The following OTOGL variants were observed in gnomAD, a reference collection of about 807,000 sequenced individuals.
OTOGL encodes the protein otogelin like.
A neutral mutation model predicts 318.5 loss-of-function variants in OTOGL; 285 were observed. The ratio of observed to expected loss-of-function variants is 0.89; its 90% CI spans 0.81 to 0.99. The LOEUF is 0.99. Ranked by LOEUF, OTOGL falls within the 50% of genes least tolerant of loss-of-function variation. The pLI, the probability that OTOGL is intolerant of heterozygous loss-of-function variation, is 0.00. For synonymous variants in OTOGL, 987 were observed against 936.5 expected, an observed-to-expected ratio of 1.05 and a Z score of -0.99; for missense variants, 2,899 against 2,845.6, an observed-to-expected ratio of 1.02 and a Z score of -0.43.
chr12:80,230,005 T>TA (rs1392953473), intron 8 of OTOGL, among the ~76,000 whole-genome samples: 3 of 151,834 alleles, frequency 2.0e-5, no homozygotes, highest in African/African-American at 7.3e-5. Context: ...TTTTTTTTTT[T>TA]ATGTTTTAAC....
intron 1 of OTOGL, among the ~76,000 whole-genome samples, chr12:80,145,155 G>C (rs1467328708): frequency 1.3e-5 from 2 of 151,058 alleles, no homozygotes; most frequent in Non-Finnish European, 2.9e-5. Context: ...GAATGGTATT[G>C]CCTAGGTTTT....
In OTOGL at chr12:80,340,943, T is replaced by TG. The variant is rs959542229; in HGVS notation, c.5051-1005_5051-1004insG. Among the ~76,000 whole-genome samples the TG allele has an allele frequency of 8.6e-5, 13 of 151,456 alleles. No homozygotes were observed. The East Asian group carries it at 1.7e-3, about 20-fold the overall frequency. On this transcript the variant is annotated intron_variant, in intron 43 of 58. Coordinates refer to ENST00000547103, the MANE Select transcript of OTOGL (RefSeq NM_001378609.3). ...ACAATGTAGTCCACTTAGGTTTTTT[T>TG]TTTTTTTTTTAATGTTTAATTGCAC...
At chr12:80,275,535 T>A (rs1181843972) in intron 24 of OTOGL, among the ~76,000 whole-genome samples, 1 of 151,958 alleles carries the variant, frequency 6.6e-6, no homozygotes, top group African/African-American at 2.4e-5. Context: ...AATAAAAGAT[T>A]TAGAATATTG....
At chr12:80,229,992 GT>G (rs397850076) in intron 8 of OTOGL, among the ~76,000 whole-genome samples, 3,378 of 142,760 alleles carry the variant, frequency 0.024, 116 homozygotes, top group African/African-American at 0.077. Context: ...TTGGTGGAAG[GT>G]TTTTTTTTTT....
intron 27 of OTOGL, among the ~76,000 whole-genome samples, chr12:80,300,963 G>C (rs1885721941): frequency 1.3e-5 from 2 of 152,172 alleles, no homozygotes; most frequent in South Asian, 2.1e-4. Flanking sequence ...AATATATACT[G>C]TTCTATACAA....
chr12:80,177,418 A>G (rs1043991193), intron 1 of OTOGL, among the ~76,000 whole-genome samples: 1 of 152,142 alleles, frequency 6.6e-6, no homozygotes, highest in Non-Finnish European at 1.5e-5. Context: ...AAACTAATAG[A>G]CCATATATGT....
chr12:80,315,306 A>G (rs913760803), intron 32 of OTOGL, among the ~76,000 whole-genome samples: 4 of 152,228 alleles, frequency 2.6e-5, no homozygotes, highest in Non-Finnish European at 5.9e-5. Context: ...TACCAGGATA[A>G]GAACTTATTG....
rs1878752931 is a variant in OTOGL at position 80,225,497 on chromosome 12, A to C, written c.489+3252A>C. ...TCACTTTCCCCTTGATTATAAAAGC[A>C]GTTCATTTCTTTTGTAGAAAATTTG... On this transcript the variant is annotated intron_variant, in intron 7 of 58. Coordinates refer to ENST00000547103, the MANE Select transcript of OTOGL (RefSeq NM_001378609.3). Among the ~76,000 whole-genome samples, 6 of 152,254 alleles carry C rather than the reference A, an allele frequency of 3.9e-5. No homozygotes were observed. The South Asian group carries it at 1.0e-3, about 26-fold the overall frequency.
chr12:80,290,572 C>G (rs1161772742), intron 26 of OTOGL, among the ~76,000 whole-genome samples: 1 of 152,050 alleles, frequency 6.6e-6, no homozygotes, highest in Non-Finnish European at 1.5e-5. Context: ...ATGACATGTT[C>G]CCATTGGATA....
Position 80,352,319 on chromosome 12 carries a change from A to C in OTOGL, c.5290A>C (p.Lys1764Gln). 1 of 1,608,952 alleles carries C rather than the reference A, an allele frequency of 6.2e-7. No homozygotes were observed. The highest frequency in any genetic ancestry group is 8.5e-7 in the Non-Finnish European group (1 of 1,178,592). The stretch of plus-strand genomic sequence containing the variant: ...GGTTTCACCGGAAGACTTTTGTGAA[A>C]AGATGTGGATCAATTATACCTATTT... ...DKVSPEDFCE[K>Q]MWINYTYFWN... is the part of the protein sequence containing the mutation. The change falls in exon 45 of 59, where the codon AAG becomes CAG. Residue 1764 changes from lysine (K) to glutamine (Q), a missense_variant. By Grantham distance (53) the Lys-to-Gln change is moderately conservative. Around this residue, in one of 3 missense-constraint regions of OTOGL, gnomAD observed 2,607 missense variants for 2,524.9 expected, o/e 1.03. Transcript: ENST00000547103.
intron 8 of OTOGL, 42 bp from the exon 9 acceptor site, chr12:80,232,850 C>T (rs1260989213): frequency 6.7e-7 from 1 of 1,488,168 alleles, no homozygotes; most frequent in South Asian, 1.2e-5. Context: ...GTAATTGAGA[C>T]TTTATCATCA....
chr12:80,196,993 C>T (rs1431970807), intron 1 of OTOGL, among the ~76,000 whole-genome samples: 4 of 152,148 alleles, frequency 2.6e-5, no homozygotes, highest in East Asian at 1.9e-4. Context: ...TGATAAGAAA[C>T]ATTTACAATC....
At chr12:80,377,056 T>C in intron 57 of OTOGL, 67 bp from the exon 58 acceptor site, 2 of 1,079,368 alleles carry the variant, frequency 1.9e-6, no homozygotes, top group South Asian at 1.6e-5. Flanking sequence ...AATATATTCA[T>C]ATATTTAATT....
At position 80,370,794 on chromosome 12, in the gene OTOGL, C is replaced by T. The variant is rs10862099; in HGVS notation, c.6735+105C>T. 0.19 allele frequency: 158,006 copies of T among 817,636 alleles called. 15,901 individuals carry two copies. Among genetic ancestry groups the T allele is most frequent in the Middle Eastern group, 0.24 (595 of 2,520 alleles). The allele number at this position is 817,636 out of a possible 1,614,324, so 50.6% of individuals were successfully genotyped here. A position where few individuals can be genotyped will look rare whatever the true frequency, so the allele number is the denominator to read the frequency against. On this transcript the variant is annotated intron_variant, in intron 56 of 58. Transcript: ENST00000547103. ...TTTCATTGTGGCTTATACATAATGG[C>T]GAATGTGTTATTTTCATGAATGAAT...
intron 16 of OTOGL, 100 bp downstream of exon 16, chr12:80,255,285 T>C: frequency 8.8e-7 from 1 of 1,130,716 alleles, no homozygotes; most frequent in Non-Finnish European, 1.1e-6. Flanking sequence ...ATATAGCTAT[T>C]TTCCTTAACA....
At position 80,219,913 on chromosome 12, in the gene OTOGL, G is replaced by C. The variant is rs377761767; in HGVS notation, c.334+1G>C. ...GCTCTTGGGACAAGATGCCAGATCA[G>C]TAAGTTTCAGGGATGCTTGTGAGAT... is the stretch of plus-strand genomic sequence containing the variant. On this transcript the variant is annotated splice_donor_variant, in intron 6 of 58. Coordinates refer to ENST00000547103, the MANE Select transcript of OTOGL (RefSeq NM_001378609.3). LOFTEE classifies it high-confidence loss of function. 3.2e-6 allele frequency: 5 copies of C among 1,546,244 alleles called. No individual in the cohort carries two copies. In the African/African-American group the frequency reaches 6.8e-5, roughly 21 times the overall value.
chr12:80,331,514 A>G (rs2137889659), intron 37 of OTOGL, among the ~76,000 whole-genome samples: 1 of 151,704 alleles, frequency 6.6e-6, no homozygotes, highest in Admixed American at 6.6e-5. Context: ...TAATTTTTGT[A>G]TTTTTAGTAG....
Position 80,320,763 on chromosome 12 carries a change from A to G in OTOGL, c.4081+63A>G, listed in dbSNP as rs1198967469. ...GTAATTTATATTAGGCAGAATATTT[A>G]TGTCTTTAATTTAAAAACCATTCTT... On this transcript the variant is annotated intron_variant, in intron 34 of 58. Transcript: ENST00000547103. 9 of 1,413,486 alleles carry G rather than the reference A, an allele frequency of 6.4e-6. No homozygotes were observed. In the Admixed American group the frequency reaches 1.4e-4, roughly 21 times the overall value. The allele number at this position is 1,413,486 out of a possible 1,614,324, so 87.6% of individuals were successfully genotyped here. A position where few individuals can be genotyped will look rare whatever the true frequency, so the allele number is the denominator to read the frequency against.
chr12:80,210,842 G>T lies in OTOGL; in HGVS notation c.80-5G>T, dbSNP rs2137310026. On this transcript the variant is annotated splice_polypyrimidine_tract_variant and splice_region_variant and intron_variant, in intron 2 of 58. Coordinates refer to ENST00000547103, the MANE Select transcript of OTOGL (RefSeq NM_001378609.3). ...TTTTCATTCTTATATATTTGTCTCT[G>T]GCAGAATATATTTGTGCATCGTCTA... 1 of 1,453,078 alleles carries T rather than the reference G, an allele frequency of 6.9e-7. No homozygotes were observed. The highest frequency in any genetic ancestry group is 1.3e-5 in the South Asian group (1 of 74,166). 90.0% of individuals were successfully genotyped at this position (1,453,078 alleles called of 1,614,324 possible).
Sources: gnomAD v4.1 joint callset for allele counts (sites outside exome capture counted in the v4.1 genomes callset) on GRCh38, gnomAD v4.1.1 for gene constraint, gnomAD v4.1.1 regional missense constraint, MANE v1.5 for transcripts, NCBI Gene and HGNC (gene_info 2026-07-23, HGNC 2026-07-21) for gene names.